The following RFX1 variants were observed in gnomAD, a reference collection of about 807,000 sequenced individuals.
The protein encoded by RFX1 is MHC class II regulatory factor RFX1.
A neutral mutation model predicts 119.6 loss-of-function variants in RFX1; 42 were observed. That is an observed-to-expected ratio of 0.35 (90% CI 0.27 to 0.45). The LOEUF (loss-of-function observed/expected upper bound fraction) is 0.45, where lower values mean the gene tolerates loss of function less well. Ranked by LOEUF, RFX1 falls within the 20% of genes least tolerant of loss-of-function variation. The probability of loss-of-function intolerance (pLI) is 1.00; values close to 1 mark genes in which losing one functional copy is unlikely to be tolerated. For missense variants in RFX1, 1,118 were observed against 1,368.1 expected (o/e 0.82, Z 2.88); for synonymous variants, 628 against 618.5 (o/e 1.02, Z -0.23).
Position 13,962,660 on chromosome 19 carries a change from G to A in RFX1, c.*35C>T, listed in dbSNP as rs188167241. Reference sequence around the variant, plus strand: ...CTTTGAGGGACCCTGGCGTGGAGGGGTGGCGGGGGCGGGTGGGGCGGGGAG... The same window carrying A: ...CTTTGAGGGACCCTGGCGTGGAGGGATGGCGGGGGCGGGTGGGGCGGGGAG... On this transcript the variant is annotated 3_prime_UTR_variant, in exon 21 of 21. Transcript: ENST00000254325. The A allele has an allele frequency of 2.3e-3, 3,467 of 1,478,688 alleles. 89 individuals carry two copies. In the African/African-American group the frequency reaches 0.044, roughly 19 times the overall value. 91.6% of individuals were successfully genotyped at this position (1,478,688 alleles called of 1,614,324 possible).
intron 2 of RFX1, among the ~76,000 whole-genome samples, chr19:13,988,294 G>A (rs1237883338): frequency 1.3e-5 from 2 of 152,062 alleles, no homozygotes; most frequent in African/African-American, 2.4e-5. Flanking sequence ...CCCAAAGTGC[G>A]GGGACTTGGT....
At chr19:14,005,421 T>C (rs1186413922) in intron 1 of RFX1, among the ~76,000 whole-genome samples, 3 of 152,222 alleles carry the variant, frequency 2.0e-5, no homozygotes, top group Admixed American at 6.5e-5. Context: ...ACAGTTATTT[T>C]ATCAAACCAC....
chr19:13,974,362 G>A (rs1444857571), intron 8 of RFX1, among the ~76,000 whole-genome samples: 2 of 152,134 alleles, frequency 1.3e-5, no homozygotes, highest in Non-Finnish European at 2.9e-5. Flanking sequence ...ATCGCGTGAC[G>A]GGATGGGCAC....
Position 13,966,657 on chromosome 19 carries a change from C to T in RFX1, c.1827G>A (p.Gln609=). 1 of 1,608,988 alleles carries T rather than the reference C, an allele frequency of 6.2e-7. No homozygotes were observed. The highest frequency in any genetic ancestry group is 8.5e-7 in the Non-Finnish European group (1 of 1,177,532). ...GVGPGDIKAF[Q]VLYREHCEAI... is the part of the protein sequence containing the mutation. ...CCTCACAGTGTTCCCGGTACAGGACCTGGAAGGCTTTGATGTCCCCGGGCC... is the reference window on the plus strand; with the variant it reads ...CCTCACAGTGTTCCCGGTACAGGACTTGGAAGGCTTTGATGTCCCCGGGCC... The change falls in exon 13 of 21, where the codon CAG becomes CAA. Residue 609 remains glutamine, a synonymous_variant. Transcript: ENST00000254325. This position sits in a 1 kb window ranked among gnomAD's most constrained non-coding sequence, Gnocchi z 6.3.
intron 16 of RFX1, 166 bp from the exon 17 acceptor site, chr19:13,964,173 T>C (rs1378051621): frequency 2.9e-6 from 2 of 687,702 alleles, no homozygotes; most frequent in Middle Eastern, 4.1e-4. Context: ...CCTTCAAACT[T>C]TGGGTGTCCA....
chr19:13,963,142 G>A lies in RFX1; in HGVS notation c.2704C>T (p.Pro902Ser). 6.2e-7 allele frequency: 1 copy of A among 1,611,838 alleles called. No homozygotes were observed. Among genetic ancestry groups the A allele is most frequent in the Non-Finnish European group, 8.5e-7 (1 of 1,178,908 alleles). ...CGCACCTCGCCCATGACGGCGATGGGGGTCTCGCCCTTGGCCTGGGCTACG... is the reference window on the plus strand; with the variant it reads ...CGCACCTCGCCCATGACGGCGATGGAGGTCTCGCCCTTGGCCTGGGCTACG... ...HRVAQAKGET[P>S]IAVMGEFANL... The change falls in exon 19 of 21, where the codon CCC (proline) becomes TCC (serine). Residue 902 changes from proline to serine, a missense_variant. Around this residue, in one of 5 missense-constraint regions of RFX1, gnomAD observed 138 missense variants for 117.8 expected, o/e 1.17. Transcript: ENST00000254325.
At chr19:14,002,484 C>T in intron 1 of RFX1, among the ~76,000 whole-genome samples, 1 of 150,176 alleles carries the variant, frequency 6.7e-6, no homozygotes, top group Admixed American at 6.7e-5. Context: ...GACTCTGTCT[C>T]AACAAAAAAA....
intron 9 of RFX1, 42 bp from the exon 10 acceptor site, chr19:13,970,217 T>A: frequency 6.6e-7 from 1 of 1,520,780 alleles, no homozygotes; most frequent in Non-Finnish European, 8.9e-7. Flanking sequence ...TCAGAGGCGC[T>A]TCCGTCATCT....
chr19:13,982,008 A>G (rs559285213), intron 5 of RFX1, 113 bp downstream of exon 5: 78 of 425,648 alleles, frequency 1.8e-4, no homozygotes, highest in African/African-American at 1.5e-3. Flanking sequence ...AGGACTTTGG[A>G]GGAGCAAGTG....
intron 1 of RFX1, among the ~76,000 whole-genome samples, chr19:14,003,131 ATGTG>A (rs879327331): frequency 4.4e-4 from 67 of 152,306 alleles, no homozygotes; most frequent in Non-Finnish European, 9.3e-4. Flanking sequence ...TACTACAGTC[ATGTG>A]CTACCATGCC....
Position 13,984,774 on chromosome 19 carries a change from G to A in RFX1, c.320-1179C>T, listed in dbSNP as rs77631169. 3.9e-5 allele frequency among the ~76,000 whole-genome samples: 6 copies of A among 152,358 alleles called. No individual in the cohort carries two copies. In the East Asian group the frequency reaches 5.8e-4, roughly 15 times the overall value. On this transcript the variant is annotated intron_variant, in intron 2 of 20. Coordinates refer to ENST00000254325, the MANE Select transcript of RFX1 (RefSeq NM_002918.5). ...ATCCGACCCCCGGCAGGACTGAAGG[G>A]CCACGGGCAAGGAGTTATCACTGCA...
chr19:13,989,837 ATT>A, intron 2 of RFX1, among the ~76,000 whole-genome samples: 1 of 141,120 alleles, frequency 7.1e-6, no homozygotes, highest in Non-Finnish European at 1.5e-5. Flanking sequence ...CTCGACCAGG[ATT>A]GGGGTCATAG....
Position 13,962,719 on chromosome 19 carries a change from G to A in RFX1, c.2916C>T (p.Phe972=), listed in dbSNP as rs1048495559. Residue 972 remains phenylalanine, a synonymous_variant, in exon 21 of 21, where the codon TTC becomes TTT. Transcript: ENST00000254325. ...CTTAGCTGGAGGGCAGCGCCTGCAC[G>A]AAGAGGCCGCGCGCGTCAGTCCGCG... ...KLARTDARGL[F]VQALPSS is the part of the protein sequence containing the mutation. 9 of 1,529,428 alleles carry A rather than the reference G, an allele frequency of 5.9e-6. No individual in the cohort carries two copies. In the African/African-American group the frequency reaches 6.9e-5, roughly 12 times the overall value. 94.7% of individuals were successfully genotyped at this position (1,529,428 alleles called of 1,614,324 possible).
At chr19:13,998,511 A>G (rs1043950873) in intron 1 of RFX1, among the ~76,000 whole-genome samples, 32 of 152,054 alleles carry the variant, frequency 2.1e-4, no homozygotes, top group Non-Finnish European at 3.7e-4. Context: ...AAAAAATCCA[A>G]TGAGATCAGC....
chr19:13,992,728 A>G (rs1599512053), intron 2 of RFX1, among the ~76,000 whole-genome samples: 1 of 152,156 alleles, frequency 6.6e-6, no homozygotes, highest in African/African-American at 2.4e-5. Context: ...AGGCCAAAAG[A>G]CTGGTGTGTA....
chr19:13,984,822 C>A (rs1158607168), intron 2 of RFX1, among the ~76,000 whole-genome samples: 1 of 152,188 alleles, frequency 6.6e-6, no homozygotes, highest in African/African-American at 2.4e-5. Flanking sequence ...GCTTCTGGCA[C>A]ACTAGGTGTT....
rs1974024837 is a variant in RFX1 at position 13,969,980 on chromosome 19, AC to A, written c.1496+13del. The A allele has an allele frequency of 1.9e-6, 3 of 1,596,534 alleles. No individual in the cohort carries two copies. Among genetic ancestry groups the A allele is most frequent in the Non-Finnish European group, 2.6e-6 (3 of 1,170,218 alleles). On this transcript the variant is annotated intron_variant, in intron 10 of 20. Coordinates refer to ENST00000254325, the MANE Select transcript of RFX1 (RefSeq NM_002918.5). The surrounding 1 kb of genome is among the most constrained non-coding windows in gnomAD (Gnocchi z 4.5). ...ATTCCCCAGGGACTGCTGGGAGTAG[AC>A]GGATGGCCCTACCTGGTGCCCAGAC...
At chr19:13,993,124 T>G (rs1974861016) in intron 2 of RFX1, among the ~76,000 whole-genome samples, 1 of 151,926 alleles carries the variant, frequency 6.6e-6, no homozygotes, top group South Asian at 2.1e-4. Context: ...GAAGATCCCA[T>G]AGCTACAAAA....
intron 1 of RFX1, among the ~76,000 whole-genome samples, chr19:14,003,874 T>A (rs965773322): frequency 1.3e-5 from 2 of 152,196 alleles, no homozygotes; most frequent in Non-Finnish European, 2.9e-5. Flanking sequence ...GCAGTCAACA[T>A]GACCAGATAA....
Sources: allele counts gnomAD v4.1 joint callset (sites outside exome capture counted in the v4.1 genomes callset), GRCh38; gene constraint gnomAD v4.1.1; regional missense constraint gnomAD v4.1.1; non-coding constraint Gnocchi (gnomAD v3.1); transcripts MANE v1.5; gene names NCBI Gene and HGNC (gene_info 2026-07-23, HGNC 2026-07-21).